UNC13B: variants seen among roughly 807,000 people sequenced by gnomAD.
The protein encoded by UNC13B is protein unc-13 homolog B.
UNC13B carries 144 observed loss-of-function variants against 211.0 expected under a neutral mutation model. The ratio of observed to expected loss-of-function variants is 0.68; its 90% confidence interval spans 0.60 to 0.78. The LOEUF (loss-of-function observed/expected upper bound fraction) is 0.78. Among genes scored for constraint, UNC13B ranks in the 30% least tolerant of loss-of-function variants. UNC13B has a pLI of 0.00. For missense variants in UNC13B, 1,777 were observed against 2,002.0 expected, an observed-to-expected ratio of 0.89 and a Z score of 2.14; for synonymous variants, 709 against 725.8, an observed-to-expected ratio of 0.98 and a Z score of 0.37.
chr9:35,391,298 T>A (rs1835516903), intron 26 of UNC13B, among the ~76,000 whole-genome samples: 1 of 152,216 alleles, frequency 6.6e-6, no homozygotes, highest in African/African-American at 2.4e-5. Context: ...CATACCTGTA[T>A]TAGACCTTCC....
intron 1 of UNC13B, among the ~76,000 whole-genome samples, chr9:35,219,153 A>G (rs935609003): frequency 2.6e-5 from 4 of 152,204 alleles, no homozygotes; most frequent in Non-Finnish European, 5.9e-5. Context: ...AATTCTATAG[A>G]ACAAATATAT....
intron 7 of UNC13B, among the ~76,000 whole-genome samples, chr9:35,265,627 A>T (rs191633015): frequency 2.6e-5 from 4 of 152,152 alleles, no homozygotes; most frequent in South Asian, 4.2e-4. Flanking sequence ...GTGGCCTTAA[A>T]TTTTTTTTAA....
chr9:35,255,059 TATTATGTATAATATAATATA>T (rs1826790281), intron 6 of UNC13B, among the ~76,000 whole-genome samples: 2 of 112,638 alleles, frequency 1.8e-5, no homozygotes, highest in African/African-American at 6.6e-5. Flanking sequence ...ATATAATATA[TATTATGTATAATATAATATA>T]TATATTATAT....
intron 12 of UNC13B, 118 bp downstream of exon 12, chr9:35,367,111 G>A: frequency 9.7e-7 from 1 of 1,030,060 alleles, no homozygotes; most frequent in Non-Finnish European, 1.5e-6. Flanking sequence ...GGAAGGAAAA[G>A]GTTCCACTAT....
intron 24 of UNC13B, among the ~76,000 whole-genome samples, chr9:35,387,774 GT>G (rs1436326814): frequency 6.6e-6 from 1 of 152,206 alleles, no homozygotes; most frequent in East Asian, 1.9e-4. Flanking sequence ...GAGACATAAA[GT>G]TGAGTAAGAG....
chr9:35,340,354 G>T (rs1016105569), intron 11 of UNC13B, among the ~76,000 whole-genome samples: 1 of 152,196 alleles, frequency 6.6e-6, no homozygotes, highest in Admixed American at 6.5e-5. Context: ...TGAGGGGGAA[G>T]CAATGTTATT....
Position 35,398,988 on chromosome 9 carries a change from G to C in UNC13B, c.12028G>C (p.Asp4010His). 2 of 1,614,190 alleles carry C rather than the reference G, an allele frequency of 1.2e-6. No individual in the cohort carries two copies. The highest frequency in any genetic ancestry group is 1.7e-6 in the Non-Finnish European group (2 of 1,180,022). The change falls in exon 33 of 40, where the codon GAT (aspartate) becomes CAT (histidine). Residue 4010 changes from aspartate to histidine, a missense_variant. Asp to His is a moderately conservative substitution (Grantham distance 81). Coordinates refer to ENST00000635942, the MANE Select transcript of UNC13B (RefSeq NM_001371189.2). The part of the protein sequence containing the change: ...SPDARASAAQ[D>H]ADSVLRPLMD... ...AGACGCCAGGGCCTCAGCGGCTCAGGATGCAGATAGCGTACTCCGGCCTCT... is the reference window on the plus strand; with the variant it reads ...AGACGCCAGGGCCTCAGCGGCTCAGCATGCAGATAGCGTACTCCGGCCTCT...
chr9:35,265,479 C>T (rs1195150507), intron 7 of UNC13B, among the ~76,000 whole-genome samples: 2 of 152,174 alleles, frequency 1.3e-5, no homozygotes, highest in Non-Finnish European at 1.5e-5. Context: ...TGTTTAAGCT[C>T]CCCAGCCTAT....
At chr9:35,318,582 A>C (rs1830582202) in intron 11 of UNC13B, among the ~76,000 whole-genome samples, 1 of 152,190 alleles carries the variant, frequency 6.6e-6, no homozygotes. Context: ...GTATTTGGAG[A>C]TCCTTCCATA....
At chr9:35,235,226 A>G (rs976858663) in intron 3 of UNC13B, among the ~76,000 whole-genome samples, 1 of 152,140 alleles carries the variant, frequency 6.6e-6, no homozygotes, top group Non-Finnish European at 1.5e-5. Flanking sequence ...GGTTATTATT[A>G]TAGGAAAATC....
chr9:35,367,749 G>A (rs937882721), intron 12 of UNC13B, among the ~76,000 whole-genome samples: 8 of 152,072 alleles, frequency 5.3e-5, no homozygotes, highest in South Asian at 2.1e-4. Flanking sequence ...TGTTCTGTCC[G>A]TGCTTCTTGT....
chr9:35,341,856 G>A, intron 11 of UNC13B: 3 of 904,974 alleles, frequency 3.3e-6, no homozygotes, highest in Non-Finnish European at 4.0e-6. Context: ...AGAGGAGGAG[G>A]AGCAGCAGCA....
chr9:35,352,896 T>C (rs1832806900), intron 11 of UNC13B: 1 of 1,232,096 alleles, frequency 8.1e-7, no homozygotes. Context: ...GCATGTAAAG[T>C]AGGAAAACCA....
intron 11 of UNC13B, among the ~76,000 whole-genome samples, chr9:35,349,846 G>A (rs1229419053): frequency 2.0e-5 from 3 of 152,222 alleles, no homozygotes; most frequent in African/African-American, 4.8e-5. Context: ...CTAGATGTAG[G>A]TGGTGGCCTT....
chr9:35,300,746 A>G lies in UNC13B; in HGVS notation c.1342A>G (p.Ile448Val). Residue 448 changes from isoleucine (I) to valine (V), a missense_variant, in exon 9 of 40, where the codon ATT (isoleucine) becomes GTT (valine). By Grantham distance (29) the Ile-to-Val change is conservative. Transcript: ENST00000635942. ...TATAGAAGAGATAACCCCTTCCTCTATTGAGGAGCCCAAGGAGGACCGTAT... is the reference window on the plus strand; with the variant it reads ...TATAGAAGAGATAACCCCTTCCTCTGTTGAGGAGCCCAAGGAGGACCGTAT... ...CSIEEITPSS[I>V]EEPKEDRIDT... The G allele has an allele frequency of 2.5e-6, 1 of 398,946 alleles. No homozygotes were observed. The highest frequency in any genetic ancestry group is 2.1e-5 in the African/African-American group (1 of 48,746). 24.7% of individuals were successfully genotyped at this position (398,946 alleles called of 1,614,324 possible). A position where few individuals can be genotyped will look rare whatever the true frequency, so the allele number is the denominator to read the frequency against.
At chr9:35,180,913 G>C (rs1296647982) in intron 1 of UNC13B, among the ~76,000 whole-genome samples, 1 of 138,108 alleles carries the variant, frequency 7.2e-6, no homozygotes, top group African/African-American at 2.8e-5. Context: ...AGTAAACACA[G>C]TGAGACCCTG....
At chr9:35,392,036 A>G (rs1223052406) in intron 26 of UNC13B, among the ~76,000 whole-genome samples, 3 of 152,160 alleles carry the variant, frequency 2.0e-5, no homozygotes, top group South Asian at 2.1e-4. Flanking sequence ...TCATACCTCA[A>G]TTTCACCGCC....
rs1483370145 is a variant in UNC13B, at chr9:35,403,851, C to T, written c.12841C>T (p.Pro4281Ser). ...EDRVLGLAVM[P>S]LRDVTAKGSC... ...TCGCGTGCTAGGGCTGGCTGTGATG[C>T]CTCTGAGGGATGTCACAGCCAAGGG... Residue 4281 changes from proline (P) to serine (S), a missense_variant, in exon 40 of 40, where the codon CCT (proline) becomes TCT (serine). Physicochemically the swap from Pro to Ser is moderately conservative, Grantham distance 74. Transcript: ENST00000635942. The T allele has an allele frequency of 6.2e-7, 1 of 1,614,134 alleles. No individual in the cohort carries two copies. Among genetic ancestry groups the T allele is most frequent in the South Asian group, 1.1e-5 (1 of 91,084 alleles).
intron 11 of UNC13B, among the ~76,000 whole-genome samples, chr9:35,331,267 G>C (rs1194646021): frequency 6.6e-6 from 1 of 151,956 alleles, no homozygotes; most frequent in Admixed American, 6.6e-5. Flanking sequence ...TTTGTTTTTT[G>C]AGACAAGGTC....
Sources: allele counts gnomAD v4.1 joint callset (sites outside exome capture counted in the v4.1 genomes callset), GRCh38; gene constraint gnomAD v4.1.1; transcripts MANE v1.5; gene names NCBI Gene and HGNC (gene_info 2026-07-23, HGNC 2026-07-21).